The following MAPT variants were observed in gnomAD, a reference collection of about 807,000 sequenced individuals.
MAPT encodes microtubule-associated protein tau.
MAPT carries 34 observed loss-of-function variants against 67.9 expected under a neutral mutation model. That is an observed-to-expected ratio of 0.50 (90% CI 0.38 to 0.67). The LOEUF (loss-of-function observed/expected upper bound fraction) is 0.67. Among genes scored for constraint, MAPT ranks in the 30% least tolerant of loss-of-function variants. MAPT has a pLI of 0.00. For synonymous variants in MAPT, 456 were observed against 464.5 expected, an observed-to-expected ratio of 0.98 and a Z score of 0.23; for missense variants, 881 against 1,115.2, an observed-to-expected ratio of 0.79 and a Z score of 2.99.
intron 4 of MAPT, 49 bp downstream of exon 4, chr17:45,978,489 A>C: frequency 1.5e-6 from 2 of 1,335,114 alleles, no homozygotes; most frequent in Non-Finnish European, 2.2e-6. Context: ...GGGGGGAGGG[A>C]CATGGGGTGG....
intron 2 of MAPT, among the ~76,000 whole-genome samples, chr17:45,967,817 A>C (rs1239551583): frequency 6.6e-6 from 1 of 151,660 alleles, no homozygotes. Context: ...CACACCCAAA[A>C]CCTAACAAGT....
chr17:45,923,329 G>T (rs2065940387), intron 1 of MAPT, among the ~76,000 whole-genome samples: 1 of 152,196 alleles, frequency 6.6e-6, no homozygotes. Context: ...GGGATGCAGG[G>T]TCTGGATAAA....
chr17:45,962,653 C>T (rs973682621), intron 2 of MAPT, among the ~76,000 whole-genome samples, 183 bp downstream of exon 2: 1 of 152,152 alleles, frequency 6.6e-6, no homozygotes, highest in African/African-American at 2.4e-5. Context: ...TGGCCAGACA[C>T]GGTGGCTCAC....
At chr17:46,020,532 G>A (rs892539693) in intron 12 of MAPT, among the ~76,000 whole-genome samples, 1 of 152,146 alleles carries the variant, frequency 6.6e-6, no homozygotes, top group Non-Finnish European at 1.5e-5. Flanking sequence ...CCGTTTTCAC[G>A]CCGCTGATGA....
chr17:46,018,593 T>C (rs2076334441), intron 11 of MAPT, 25 bp from the exon 12 acceptor site: 1 of 1,487,446 alleles, frequency 6.7e-7, no homozygotes, highest in African/African-American at 1.4e-5. Context: ...GATGGCAAGA[T>C]GCTCTTGTGT....
chr17:45,917,625 T>A (rs1353495852), intron 1 of MAPT, among the ~76,000 whole-genome samples: 2 of 152,158 alleles, frequency 1.3e-5, no homozygotes, highest in African/African-American at 4.8e-5. Flanking sequence ...CTGGAAAGTA[T>A]CAGTGAAGTT....
chr17:45,992,496 G>A (rs934282298), intron 8 of MAPT, among the ~76,000 whole-genome samples: 2 of 152,206 alleles, frequency 1.3e-5, no homozygotes, highest in African/African-American at 4.8e-5. Flanking sequence ...GCAGTCACAG[G>A]CTGGGCCCGT....
intron 5 of MAPT, among the ~76,000 whole-genome samples, chr17:45,985,073 G>A (rs888478502): frequency 6.6e-6 from 1 of 152,244 alleles, no homozygotes; most frequent in African/African-American, 2.4e-5. Flanking sequence ...GGAGGCCAAG[G>A]CAGGTGGATC....
At chr17:45,937,043 A>T (rs1269839804) in intron 1 of MAPT, among the ~76,000 whole-genome samples, 1 of 152,152 alleles carries the variant, frequency 6.6e-6, no homozygotes, top group East Asian at 1.9e-4. Context: ...AGAGTCTGCA[A>T]ATATGTATGC....
chr17:45,902,064 G>A (rs2063647695), intron 1 of MAPT, among the ~76,000 whole-genome samples: 1 of 152,150 alleles, frequency 6.6e-6, no homozygotes, highest in South Asian at 2.1e-4. Flanking sequence ...TACTCCATCA[G>A]CTTGCACCTT....
chr17:46,014,997 G>C (rs1186896736), intron 11 of MAPT, among the ~76,000 whole-genome samples: 2 of 151,980 alleles, frequency 1.3e-5, no homozygotes, highest in Non-Finnish European at 2.9e-5. Flanking sequence ...GATGGTCAAT[G>C]GGTACAAAAA....
intron 1 of MAPT, among the ~76,000 whole-genome samples, chr17:45,960,533 C>G (rs1436248178): frequency 6.6e-6 from 1 of 152,242 alleles, no homozygotes; most frequent in Non-Finnish European, 1.5e-5. Flanking sequence ...AGGATGTCAA[C>G]AGTAATCGTT....
In MAPT at chr17:46,024,034, C is replaced by G; in HGVS notation, c.2365C>G (p.Pro789Ala). ...DHGAEIVYKS[P>A]VVSGDTSPRH... ...CGGGGCGGAGATCGTGTACAAGTCGCCAGTGGTGTCTGGGGACACGTCTCC... is the reference window on the plus strand; with the variant it reads ...CGGGGCGGAGATCGTGTACAAGTCGGCAGTGGTGTCTGGGGACACGTCTCC... Residue 789 changes from proline to alanine, a missense_variant, in exon 13 of 13, where the codon CCA becomes GCA. Pro to Ala is a conservative substitution (Grantham distance 27). This residue lies in a region of MAPT where 79 missense variants were observed against 150.9 expected (regional missense o/e 0.52). Coordinates refer to ENST00000262410, the MANE Select transcript of MAPT (RefSeq NM_001377265.1). 1 of 1,614,156 alleles carries G rather than the reference C, an allele frequency of 6.2e-7. No homozygotes were observed. The highest frequency in any genetic ancestry group is 1.6e-4 in the Middle Eastern group (1 of 6,062).
chr17:46,013,287 AC>A (rs915248431), intron 10 of MAPT, among the ~76,000 whole-genome samples: 2 of 152,128 alleles, frequency 1.3e-5, no homozygotes, highest in Non-Finnish European at 2.9e-5. Flanking sequence ...TCAATCAGTG[AC>A]CTGCCCCCCA....
chr17:45,911,726 T>G (rs1306425830), intron 1 of MAPT, among the ~76,000 whole-genome samples: 12 of 152,266 alleles, frequency 7.9e-5, no homozygotes, highest in Non-Finnish European at 1.6e-4. Flanking sequence ...ATGGCACCAC[T>G]GCACTGCAGC....
chr17:46,022,355 A>AT (rs1358402560), intron 12 of MAPT, among the ~76,000 whole-genome samples: 1 of 103,910 alleles, frequency 9.6e-6, no homozygotes, highest in East Asian at 1.9e-4. Context: ...CTTTGTCTCA[A>AT]AAAAAAAAAA....
At chr17:45,908,781 G>T (rs917347700) in intron 1 of MAPT, among the ~76,000 whole-genome samples, 2 of 152,220 alleles carry the variant, frequency 1.3e-5, no homozygotes, top group East Asian at 3.9e-4. Flanking sequence ...CTCAGTTCTG[G>T]TCTTGCCTCC....
At position 45,983,785 on chromosome 17, in the gene MAPT, TCCAGGGGCCCCTGGAGAGGGGCCAGAGG is replaced by T; in HGVS notation, c.1209_1236del (p.Gly407LeufsTer64). 1 of 1,613,948 alleles carries T rather than the reference TCCAGGGGCCCCTGGAGAGGGGCCAGAGG, an allele frequency of 6.2e-7. No individual in the cohort carries two copies. The highest frequency in any genetic ancestry group is 8.5e-7 in the Non-Finnish European group (1 of 1,179,964). On this transcript the variant is annotated frameshift_variant, in exon 5 of 13. Transcript: ENST00000262410. LOFTEE classifies it high-confidence loss of function. ...AGGAGCATTTGGGAAGGGCTGCATT[TCCAGGGGCCCCTGGAGAGGGGCCAGAGG>T]CCCGGGGCCCCTCTTTGGGAGAGGA...
intron 1 of MAPT, among the ~76,000 whole-genome samples, chr17:45,946,463 G>A (rs1203239422): frequency 4.5e-5 from 5 of 112,344 alleles, no homozygotes; most frequent in Non-Finnish European, 9.6e-5. Context: ...TTAGCCAGGC[G>A]TGGTGGGTGC....
Sources: allele counts gnomAD v4.1 joint callset (sites outside exome capture counted in the v4.1 genomes callset), GRCh38; gene constraint gnomAD v4.1.1; regional missense constraint gnomAD v4.1.1; transcripts MANE v1.5; gene names NCBI Gene and HGNC (gene_info 2026-07-23, HGNC 2026-07-21).